Variants in CDH1 observed in about 807,000 individuals in gnomAD.
CDH1 encodes cadherin-1.
Under a neutral mutation model 84.5 loss-of-function variants are expected in CDH1, and 35 were observed. The ratio of observed to expected loss-of-function variants is 0.41; its 90% CI spans 0.32 to 0.55. The LOEUF (loss-of-function observed/expected upper bound fraction) is 0.55, where lower values mean the gene tolerates loss of function less well. Among genes scored for constraint, CDH1 ranks in the 20% least tolerant of loss-of-function variants. The pLI, the probability that CDH1 is intolerant of heterozygous loss-of-function variation, is 0.19. For missense variants in CDH1, 994 were observed against 1,126.6 expected (o/e 0.88, Z 1.68); for synonymous variants, 417 against 439.0 (o/e 0.95, Z 0.63).
chr16:68,832,767 C>A lies in CDH1; in HGVS notation c.2440-523C>A, dbSNP rs1451052884. 3.9e-5 allele frequency among the ~76,000 whole-genome samples: 6 copies of A among 152,126 alleles called. No individual in the cohort carries two copies. The East Asian group carries it at 1.2e-3, about 29-fold the overall frequency. ...CCTGGGAGGCAGATGTTGCAGTGAG[C>A]CAAAATCACACCATTGCACTCCAGC... On this transcript the variant is annotated intron_variant, in intron 15 of 15. Coordinates refer to ENST00000261769, the MANE Select transcript of CDH1 (RefSeq NM_004360.5).
chr16:68,770,524 T>TAGG (rs1959540335), intron 2 of CDH1, among the ~76,000 whole-genome samples: 4 of 151,980 alleles, frequency 2.6e-5, no homozygotes, highest in Admixed American at 2.6e-4. Flanking sequence ...CCTCGCACCT[T>TAGG]CAGGGAACGT....
chr16:68,801,746 T>A lies in CDH1; in HGVS notation c.240T>A (p.Asp80Glu). The change falls in exon 3 of 16, where the codon GAT (aspartate) becomes GAA (glutamate). Residue 80 changes from aspartate (D) to glutamate (E), a missense_variant. Transcript: ENST00000261769. ...ACACCCGATTCAAAGTGGGCACAGA[T>A]GGTGTGATTACAGTCAAAAGGCCTC... Reference protein sequence around the residue: ...SLDTRFKVGTDGVITVKRPLR... With the variant: ...SLDTRFKVGTEGVITVKRPLR... The A allele has an allele frequency of 6.2e-7, 1 of 1,614,184 alleles. No homozygotes were observed. Among genetic ancestry groups the A allele is most frequent in the Non-Finnish European group, 8.5e-7 (1 of 1,180,020 alleles).
At chr16:68,762,211 A>G (rs1461351252) in intron 2 of CDH1, among the ~76,000 whole-genome samples, 1 of 151,976 alleles carries the variant, frequency 6.6e-6, no homozygotes, top group Non-Finnish European at 1.5e-5. Flanking sequence ...TGCCTGGCTC[A>G]TTTCTCTCTC....
At chr16:68,776,406 T>A (rs1959733834) in intron 2 of CDH1, among the ~76,000 whole-genome samples, 1 of 152,240 alleles carries the variant, frequency 6.6e-6, no homozygotes, top group Non-Finnish European at 1.5e-5. Context: ...CTGAGTGGCA[T>A]GCCTGGTGCA....
At position 68,811,396 on chromosome 16, in the gene CDH1, CA is replaced by C. The variant is rs1158343325; in HGVS notation, c.833-267del. The stretch of plus-strand genomic sequence containing the variant: ...GGGCAACAGGAGCAAAACTCCGTCT[CA>C]AAAAAAAAAAAAAAAAAAAAGATAA... On this transcript the variant is annotated intron_variant, in intron 6 of 15. Coordinates refer to ENST00000261769, the MANE Select transcript of CDH1 (RefSeq NM_004360.5). 0.27 allele frequency among the ~76,000 whole-genome samples: 20,990 copies of C among 77,818 alleles called. 1,594 individuals are homozygous for C. Among genetic ancestry groups the C allele is most frequent in the African/African-American group, 0.32 (8,332 of 26,002 alleles). 51.1% of individuals were successfully genotyped at this position (77,818 alleles called of 152,430 possible).
chr16:68,764,817 ATCAT>A (rs1453417698), intron 2 of CDH1, among the ~76,000 whole-genome samples: 2 of 152,180 alleles, frequency 1.3e-5, no homozygotes, highest in Non-Finnish European at 2.9e-5. Context: ...CTGTTCACCC[ATCAT>A]TCACTCTTCC....
At chr16:68,810,734 C>T (rs544266748) in intron 6 of CDH1, among the ~76,000 whole-genome samples, 35 of 151,710 alleles carry the variant, frequency 2.3e-4, no homozygotes, top group Admixed American at 3.3e-4. Flanking sequence ...GTCGTGGTGG[C>T]GGGGGCCTGT....
Position 68,834,169 on chromosome 16 carries a change from G to A in CDH1, c.*670G>A, listed in dbSNP as rs34215721. The A allele has an allele frequency of 3.3e-4, 160 of 488,152 alleles. No individual in the cohort carries two copies. The Admixed American group carries it at 3.6e-3, about 11-fold the overall frequency. 30.2% of individuals were successfully genotyped at this position (488,152 alleles called of 1,614,324 possible). ...GGGTCTCCCTGTGTTACCCAGGCTG[G>A]TCTCAAACTCCTGGGCTCAAGTGAT... On this transcript the variant is annotated 3_prime_UTR_variant, in exon 16 of 16. Coordinates refer to ENST00000261769, the MANE Select transcript of CDH1 (RefSeq NM_004360.5).
At chr16:68,797,470 C>A (rs1383094057) in intron 2 of CDH1, among the ~76,000 whole-genome samples, 5 of 151,840 alleles carry the variant, frequency 3.3e-5, no homozygotes, top group Non-Finnish European at 7.4e-5. Flanking sequence ...ATGGCTTGAG[C>A]CCAGGAGTTT....
Position 68,819,174 on chromosome 16 carries a change from TA to T in CDH1, c.1566-101del, listed in dbSNP as rs1419067456. On this transcript the variant is annotated intron_variant, in intron 10 of 15. Coordinates refer to ENST00000261769, the MANE Select transcript of CDH1 (RefSeq NM_004360.5). Reference sequence around the variant, plus strand: ...ACCGGCCTATTGTTGGTTTTCAAAATAAAAACGTTGGAAGTAACCATATAAC... The same window carrying T: ...ACCGGCCTATTGTTGGTTTTCAAAATAAAACGTTGGAAGTAACCATATAAC... 5.2e-6 allele frequency: 7 copies of T among 1,347,080 alleles called. No homozygotes were observed. The East Asian group carries it at 9.2e-5, about 18-fold the overall frequency. 83.4% of individuals were successfully genotyped at this position (1,347,080 alleles called of 1,614,324 possible). A position where few individuals can be genotyped will look rare whatever the true frequency, so the allele number is the denominator to read the frequency against.
chr16:68,810,090 C>A, intron 5 of CDH1, 107 bp from the exon 6 acceptor site: 1 of 1,157,476 alleles, frequency 8.6e-7, no homozygotes, highest in Non-Finnish European at 1.3e-6. Flanking sequence ...GTCTCAGAGC[C>A]TAGGAAGGTG....
chr16:68,818,228 A>G (rs1291773976), intron 10 of CDH1, among the ~76,000 whole-genome samples: 12 of 142,544 alleles, frequency 8.4e-5, no homozygotes, highest in Admixed American at 8.3e-4. Context: ...CGACAGAACG[A>G]GACTCTGTCC....
chr16:68,812,110 C>G (rs1960852388), intron 7 of CDH1, 25 bp from the exon 8 acceptor site: 1 of 1,613,980 alleles, frequency 6.2e-7, no homozygotes, highest in South Asian at 1.1e-5. Flanking sequence ...CTGGTCCTGA[C>G]TTGGTTGTGT....
chr16:68,800,805 C>G (rs1046369285), intron 2 of CDH1, among the ~76,000 whole-genome samples: 1 of 152,218 alleles, frequency 6.6e-6, no homozygotes, highest in Non-Finnish European at 1.5e-5. Flanking sequence ...TCAGCAAACT[C>G]CCTTCTCCTC....
At chr16:68,792,693 T>C (rs1444251375) in intron 2 of CDH1, among the ~76,000 whole-genome samples, 2 of 152,292 alleles carry the variant, frequency 1.3e-5, no homozygotes, top group East Asian at 3.9e-4. Context: ...CCAAGTCGCT[T>C]GAGTAATCTT....
chr16:68,827,912 G>A (rs917306203), intron 13 of CDH1, among the ~76,000 whole-genome samples: 6 of 152,150 alleles, frequency 3.9e-5, no homozygotes, highest in African/African-American at 1.2e-4. Flanking sequence ...TTGGGAAAAT[G>A]ACAGTGATTG....
intron 3 of CDH1, among the ~76,000 whole-genome samples, chr16:68,807,119 C>T (rs1040083765): frequency 6.6e-6 from 1 of 152,104 alleles, no homozygotes; most frequent in Non-Finnish European, 1.5e-5. Context: ...ATTTTCCTTC[C>T]ATTTTCAACT....
At chr16:68,830,068 C>T (rs774807893) in intron 15 of CDH1, among the ~76,000 whole-genome samples, 30 of 151,434 alleles carry the variant, frequency 2.0e-4, no homozygotes, top group South Asian at 4.2e-4. Context: ...GATTCTCCTG[C>T]CTCAGCCTCC....
intron 9 of CDH1, chr16:68,814,409 G>C (rs369817056): frequency 6.6e-6 from 1 of 152,534 alleles, no homozygotes; most frequent in Non-Finnish European, 1.5e-5. Context: ...TTAACTGGGC[G>C]TGGTGGTGCA....
Sources: gnomAD v4.1 joint callset for allele counts (sites outside exome capture counted in the v4.1 genomes callset) on GRCh38, gnomAD v4.1.1 for gene constraint, MANE v1.5 for transcripts, NCBI Gene and HGNC (gene_info 2026-07-23, HGNC 2026-07-21) for gene names.